ZNF530: variants seen among roughly 807,000 people sequenced by gnomAD.
ZNF530 encodes zinc finger protein 530.
ZNF530 carries 5 observed loss-of-function variants against 2.8 expected under a neutral mutation model. The ratio of observed to expected loss-of-function variants is 1.80; its 90% CI spans 0.94 to 3.78. The LOEUF (loss-of-function observed/expected upper bound fraction) is 3.78. ZNF530 is among the 30% of genes most tolerant of loss of function. The pLI, the probability that ZNF530 is intolerant of heterozygous loss-of-function variation, is 0.00. For synonymous variants in ZNF530, 229 were observed against 235.0 expected (o/e 0.97, Z 0.23); for missense variants, 619 against 673.3 (o/e 0.92, Z 0.89).
At position 57,605,979 on chromosome 19, in the gene ZNF530, C is replaced by T. The variant is rs1980496762; in HGVS notation, c.355C>T (p.Gln119Ter). The change falls in exon 4 of 4, where the codon CAG (glutamine) becomes TAG (stop). Residue 119 changes from glutamine to a stop codon, truncating the protein, a stop_gained. Coordinates refer to ENST00000597700, the MANE Select transcript of ZNF530 (RefSeq NM_001321981.2). LOFTEE classifies it low-confidence loss of function (END_TRUNC). ...GAAGCTCTTTAAAGTGGATGGGGACCAGGCCTCATTTATGATGAACTGCAG... is the reference window on the plus strand; with the variant it reads ...GAAGCTCTTTAAAGTGGATGGGGACTAGGCCTCATTTATGATGAACTGCAG... The part of the protein sequence containing the change: ...GEKLFKVDGD[Q>*]ASFMMNCRFH... 1 of 1,614,164 alleles carries T rather than the reference C, an allele frequency of 6.2e-7. No individual in the cohort carries two copies.
At position 57,604,380 on chromosome 19, in the gene ZNF530, A is replaced by C; in HGVS notation, c.35A>C (p.Glu12Ala). ...CTCCTGTACCGCGATGTGATGCTGG[A>C]GAACTTTGCAGTTATGGCATCCCTA... ...QRLLYRDVML[E>A]NFAVMASLGC... Residue 12 changes from glutamate to alanine, a missense_variant, in exon 3 of 4, where the codon GAG becomes GCG. By Grantham distance (107) the Glu-to-Ala change is moderately radical. Coordinates refer to ENST00000597700, the MANE Select transcript of ZNF530 (RefSeq NM_001321981.2). 1 of 1,613,884 alleles carries C rather than the reference A, an allele frequency of 6.2e-7. No homozygotes were observed. The highest frequency in any genetic ancestry group is 8.5e-7 in the Non-Finnish European group (1 of 1,179,858).
Position 57,606,672 on chromosome 19 carries a change from G to A in ZNF530, c.1048G>A (p.Glu350Lys), listed in dbSNP as rs746550646. 6.2e-7 allele frequency: 1 copy of A among 1,614,174 alleles called. No individual in the cohort carries two copies. The highest frequency in any genetic ancestry group is 1.7e-5 in the Admixed American group (1 of 60,022). ...HTGVRPYECS[E>K]CGKAFSCNIY... is the part of the protein sequence containing the mutation. ...TGGAGTAAGGCCTTATGAGTGTAGT[G>A]AATGTGGGAAAGCATTTAGTTGCAA... Residue 350 changes from glutamate to lysine, a missense_variant, in exon 4 of 4, where the codon GAA (glutamate) becomes AAA (lysine). By Grantham distance (56) the Glu-to-Lys change is moderately conservative. Transcript: ENST00000597700.
At position 57,606,741 on chromosome 19, in the gene ZNF530, C is replaced by G; in HGVS notation, c.1117C>G (p.Pro373Ala). The G allele has an allele frequency of 1.2e-6, 2 of 1,613,928 alleles. No homozygotes were observed. The highest frequency in any genetic ancestry group is 1.7e-6 in the Non-Finnish European group (2 of 1,180,010). Residue 373 changes from proline (P) to alanine (A), a missense_variant, in exon 4 of 4, where the codon CCT (proline) becomes GCT (alanine). Transcript: ENST00000597700. ...CCAAAGATTTCACACTGGAGAAAGA[C>G]CTTATGTGTGCAGTGAATGTGGGAA... is the stretch of plus-strand genomic sequence containing the variant. ...HHQRFHTGER[P>A]YVCSECGKSF...
chr19:57,606,660 T>C lies in ZNF530; in HGVS notation c.1036T>C (p.Tyr346His). 1.9e-6 allele frequency: 3 copies of C among 1,614,000 alleles called. No individual in the cohort carries two copies. The highest frequency in any genetic ancestry group is 2.5e-6 in the Non-Finnish European group (3 of 1,180,008). Reference sequence around the variant, plus strand: ...GAGAGTTCACACTGGAGTAAGGCCTTATGAGTGTAGTGAATGTGGGAAAGC... The same window carrying C: ...GAGAGTTCACACTGGAGTAAGGCCTCATGAGTGTAGTGAATGTGGGAAAGC... ...HWRVHTGVRP[Y>H]ECSECGKAFS... Residue 346 changes from tyrosine (Y) to histidine (H), a missense_variant, in exon 4 of 4, where the codon TAT becomes CAT. Transcript: ENST00000597700.
chr19:57,605,035 G>C (rs1980429382), intron 3 of ZNF530: 1 of 153,408 alleles, frequency 6.5e-6, no homozygotes, highest in South Asian at 2.1e-4. Context: ...GCCCTAATGA[G>C]TGACAACTAA....
At position 57,606,036 on chromosome 19, in the gene ZNF530, G is replaced by C. The variant is rs115480393; in HGVS notation, c.412G>C (p.Gly138Arg). The change falls in exon 4 of 4, where the codon GGG becomes CGG. Residue 138 changes from glycine to arginine, a missense_variant. By Grantham distance (125) the Gly-to-Arg change is moderately radical. Transcript: ENST00000597700. ...TGTGTCAGGAAAACCCTTCACGTTT[G>C]GGGAAGTCGGGAGGGACTTTTCAGC... ...FHVSGKPFTFGEVGRDFSATS... is the reference protein window; with the variant it reads ...FHVSGKPFTFREVGRDFSATS... The C allele has an allele frequency of 1.4e-3, 2,199 of 1,614,168 alleles. 21 individuals carry two copies. In the African/African-American group the frequency reaches 0.024, roughly 18 times the overall value.
In ZNF530 at chr19:57,599,989, G is replaced by C. The variant is rs1980137911; in HGVS notation, c.-267G>C. On this transcript the variant is annotated 5_prime_UTR_variant, in exon 1 of 4. Coordinates refer to ENST00000597700, the MANE Select transcript of ZNF530 (RefSeq NM_001321981.2). ...TGCTGACAGCGAGAAGGCGCGAGGA[G>C]AGTCGTTTTCTCAGCTGCACAGCCG... is the stretch of plus-strand genomic sequence containing the variant. The C allele has an allele frequency of 8.3e-7, 1 of 1,211,242 alleles. No individual in the cohort carries two copies. Among genetic ancestry groups the C allele is most frequent in the Admixed American group, 2.7e-5 (1 of 36,488 alleles). The allele number at this position is 1,211,242 out of a possible 1,614,324, so 75.0% of individuals were successfully genotyped here.
chr19:57,606,463 A>G lies in ZNF530; in HGVS notation c.839A>G (p.His280Arg). The change falls in exon 4 of 4, where the codon CAT (histidine) becomes CGT (arginine). Residue 280 changes from histidine (H) to arginine (R), a missense_variant. By Grantham distance (29) the His-to-Arg change is conservative (BLOSUM62 0). Transcript: ENST00000597700. ...CGCCAGGTATCTGTCCTCATTCAAC[A>G]TCAACGAGTTCACACTGGAGAAAGG... is the stretch of plus-strand genomic sequence containing the variant. ...SFRQVSVLIQ[H>R]QRVHTGERPY... The G allele has an allele frequency of 6.2e-7, 1 of 1,613,894 alleles. No individual in the cohort carries two copies. Among genetic ancestry groups the G allele is most frequent in the East Asian group, 2.2e-5 (1 of 44,876 alleles).
Position 57,599,919 on chromosome 19 carries a change from T to C in ZNF530, c.-337T>C. 1 of 578,416 alleles carries C rather than the reference T, an allele frequency of 1.7e-6. No homozygotes were observed. The highest frequency in any genetic ancestry group is 2.9e-6 in the Non-Finnish European group (1 of 345,790). The allele number at this position is 578,416 out of a possible 1,614,324, so 35.8% of individuals were successfully genotyped here. On this transcript the variant is annotated 5_prime_UTR_variant, in exon 1 of 4. Transcript: ENST00000597700. ...GGCGTCCTCCCTGTGGCGGGCACTT[T>C]GGCTTGTGTCAGTTCCATCCGCGGG... is the stretch of plus-strand genomic sequence containing the variant.
At chr19:57,603,872 G>T (rs1945073244) in intron 2 of ZNF530, among the ~76,000 whole-genome samples, 1 of 152,214 alleles carries the variant, frequency 6.6e-6, no homozygotes, top group Non-Finnish European at 1.5e-5. Context: ...CGGGGTGGAG[G>T]TGGCTGAGGG....
intron 3 of ZNF530, chr19:57,605,345 C>T (rs1260966469): frequency 5.1e-6 from 1 of 197,112 alleles, no homozygotes; most frequent in Non-Finnish European, 1.0e-5. Context: ...ACCTAGTATT[C>T]AGTTCCCATG....
At chr19:57,610,412 ATGTGTGTG>A (rs57429926), downstream of ZNF530, among the ~76,000 whole-genome samples, 87 of 147,232 alleles carry the variant, frequency 5.9e-4, no homozygotes, top group Middle Eastern at 3.5e-3. Flanking sequence ...AAGTGTACAT[ATGTGTGTG>A]TGTGTGTGTG....
At position 57,607,160 on chromosome 19, in the gene ZNF530, G is replaced by T. The variant is rs1464162883; in HGVS notation, c.1536G>T (p.Arg512Ser). ...ATAGGAGAGTTCACACTGGAGAAAG[G>T]CCTTATGAGTGCAGAGAATGTGGGA... ...LQHRRVHTGE[R>S]PYECRECGKS... Residue 512 changes from arginine to serine, a missense_variant, in exon 4 of 4, where the codon AGG becomes AGT. By Grantham distance (110) the Arg-to-Ser change is moderately radical (BLOSUM62 -1). Coordinates refer to ENST00000597700, the MANE Select transcript of ZNF530 (RefSeq NM_001321981.2). 1 of 1,614,014 alleles carries T rather than the reference G, an allele frequency of 6.2e-7. No individual in the cohort carries two copies. The highest frequency in any genetic ancestry group is 2.2e-5 in the East Asian group (1 of 44,854).
intron 2 of ZNF530, among the ~76,000 whole-genome samples, chr19:57,603,727 T>C (rs2123457558): frequency 6.6e-6 from 1 of 152,296 alleles, no homozygotes; most frequent in Non-Finnish European, 1.5e-5. Context: ...GAGCAGGATA[T>C]GGGGCTGCCT....
At position 57,607,065 on chromosome 19, in the gene ZNF530, A is replaced by G. The variant is rs1980609130; in HGVS notation, c.1441A>G (p.Thr481Ala). 1 of 1,613,134 alleles carries G rather than the reference A, an allele frequency of 6.2e-7. No homozygotes were observed. Among genetic ancestry groups the G allele is most frequent in the Non-Finnish European group, 8.5e-7 (1 of 1,179,322 alleles). Residue 481 changes from threonine to alanine, a missense_variant, in exon 4 of 4, where the codon ACT becomes GCT. By Grantham distance (58) the Thr-to-Ala change is moderately conservative. Coordinates refer to ENST00000597700, the MANE Select transcript of ZNF530 (RefSeq NM_001321981.2). ...CCTCATTCGACACCAGACTGTTCACACTAATGAAAGGCCTTATGAGTGCGA... is the reference window on the plus strand; with the variant it reads ...CCTCATTCGACACCAGACTGTTCACGCTAATGAAAGGCCTTATGAGTGCGA... Reference protein sequence around the residue: ...THLIRHQTVHTNERPYECDEC... With the variant: ...THLIRHQTVHANERPYECDEC...
In ZNF530 at chr19:57,604,420, A is replaced by G. The variant is rs1599933772; in HGVS notation, c.61+14A>G. The G allele has an allele frequency of 2.5e-6, 4 of 1,609,944 alleles. No individual in the cohort carries two copies. Among genetic ancestry groups the G allele is most frequent in the Non-Finnish European group, 3.4e-6 (4 of 1,178,152 alleles). ...TGGCATCCCTAGGTAAGGCCCTCCT[A>G]TTCCTCCCAGTTTCCTTTGTGGGTC... On this transcript the variant is annotated intron_variant, in intron 3 of 3. Transcript: ENST00000597700.
At position 57,606,135 on chromosome 19, in the gene ZNF530, G is replaced by C. The variant is rs746610608; in HGVS notation, c.511G>C (p.Val171Leu). The part of the protein sequence containing the change: ...RPHSRIRHLR[V>L]PTGRKPLKYT... ...ACACAGCAGGATTAGACACTTGAGA[G>C]TTCCCACTGGACGAAAGCCTCTCAA... The change falls in exon 4 of 4, where the codon GTT becomes CTT. Residue 171 changes from valine (V) to leucine (L), a missense_variant. Physicochemically the swap from Val to Leu is conservative, Grantham distance 32. Transcript: ENST00000597700. 3.7e-6 allele frequency: 6 copies of C among 1,614,114 alleles called. No individual in the cohort carries two copies. The highest frequency in any genetic ancestry group is 5.1e-6 in the Non-Finnish European group (6 of 1,180,048).
rs1379876890 is a variant in ZNF530, at chr19:57,609,951, C to T, written c.*2626C>T. 6.6e-6 allele frequency among the ~76,000 whole-genome samples: 1 copy of T among 152,120 alleles called. No homozygotes were observed. The highest frequency in any genetic ancestry group is 1.5e-5 in the Non-Finnish European group (1 of 68,032). On this transcript the variant is annotated 3_prime_UTR_variant, in exon 4 of 4. Coordinates refer to ENST00000597700, the MANE Select transcript of ZNF530 (RefSeq NM_001321981.2). ...TGCCACTGAAGCAGGTCTGCCTCTA[C>T]GTGGCCTGGGGAGCTAGATGGTAGA...
chr19:57,600,159 C>T, intron 1 of ZNF530, 25 bp downstream of exon 1: 1 of 1,560,196 alleles, frequency 6.4e-7, no homozygotes, highest in Non-Finnish European at 8.7e-7. Context: ...CTCCCGGCCT[C>T]CTCTGCCCTC....
Sources: gnomAD v4.1 joint callset for allele counts (sites outside exome capture counted in the v4.1 genomes callset) on GRCh38, gnomAD v4.1.1 for gene constraint, MANE v1.5 for transcripts, NCBI Gene and HGNC (gene_info 2026-07-23, HGNC 2026-07-21) for gene names.